GALNTL6: variants seen among roughly 807,000 people sequenced by gnomAD.
The protein encoded by GALNTL6 is polypeptide N-acetylgalactosaminyltransferase-like 6.
GALNTL6 carries 46 observed loss-of-function variants against 73.7 expected under a neutral mutation model. The ratio of observed to expected loss-of-function variants is 0.62; its 90% CI spans 0.49 to 0.80. The LOEUF is 0.80. Ranked by LOEUF, GALNTL6 falls within the 30% of genes least tolerant of loss-of-function variation. The pLI is 0.00. For missense variants in GALNTL6, 604 were observed against 755.0 expected (o/e 0.80, Z 2.34); for synonymous variants, 259 against 263.7 (o/e 0.98, Z 0.17).
intron 2 of GALNTL6, among the ~76,000 whole-genome samples, chr4:172,109,217 A>G (rs1410832017): frequency 6.6e-6 from 1 of 151,160 alleles, no homozygotes; most frequent in African/African-American, 2.4e-5. Flanking sequence ...TCATCAATGA[A>G]GAATTTTGTT....
chr4:172,018,490 G>A (rs1179837755), intron 2 of GALNTL6, among the ~76,000 whole-genome samples: 2 of 151,906 alleles, frequency 1.3e-5, no homozygotes, highest in East Asian at 3.9e-4. Context: ...GGGAAGTTGG[G>A]GGTAGCAGGT....
intron 5 of GALNTL6, among the ~76,000 whole-genome samples, chr4:172,621,339 G>A (rs181236448): frequency 1.3e-3 from 196 of 152,282 alleles, no homozygotes; most frequent in Admixed American, 0.012. Context: ...ACAGGCATAA[G>A]CCAATGTGCC....
intron 5 of GALNTL6, among the ~76,000 whole-genome samples, chr4:172,631,901 A>G (rs1404504824): frequency 6.6e-6 from 1 of 152,230 alleles, no homozygotes; most frequent in Admixed American, 6.5e-5. Flanking sequence ...TTAACACTGT[A>G]AGTCTACATC....
chr4:172,769,863 C>A (rs1738659715), intron 5 of GALNTL6, among the ~76,000 whole-genome samples: 1 of 152,194 alleles, frequency 6.6e-6, no homozygotes, highest in African/African-American at 2.4e-5. Flanking sequence ...GGATTCAAAT[C>A]CCAACTTTTC....
intron 5 of GALNTL6, among the ~76,000 whole-genome samples, chr4:172,630,758 G>C (rs1002258909): frequency 2.7e-5 from 4 of 148,536 alleles, no homozygotes; most frequent in Admixed American, 6.7e-5. Context: ...TTTCCACAAA[G>C]CTATCTTGTT....
intron 5 of GALNTL6, among the ~76,000 whole-genome samples, chr4:172,683,210 A>G (rs1168501949): frequency 6.6e-6 from 1 of 152,170 alleles, no homozygotes; most frequent in African/African-American, 2.4e-5. Flanking sequence ...AGGCTGTGGT[A>G]TCTGTCATGT....
At chr4:173,006,547 G>A (rs970547896) in intron 10 of GALNTL6, among the ~76,000 whole-genome samples, 1 of 152,142 alleles carries the variant, frequency 6.6e-6, no homozygotes, top group Admixed American at 6.5e-5. Flanking sequence ...TTTACAAAAC[G>A]TGTATTTTAA....
At chr4:172,298,091 A>G (rs1739753545) in intron 3 of GALNTL6, among the ~76,000 whole-genome samples, 1 of 152,104 alleles carries the variant, frequency 6.6e-6, no homozygotes, top group Non-Finnish European at 1.5e-5. Flanking sequence ...TTGGATTCCT[A>G]GGTATTTTAT....
At chr4:172,394,522 GCCAGGTTCAAGGGATT>G (rs1166194680) in intron 5 of GALNTL6, among the ~76,000 whole-genome samples, 2 of 146,690 alleles carry the variant, frequency 1.4e-5, no homozygotes, top group South Asian at 4.2e-4. Context: ...ACCTCCGCCT[GCCAGGTTCAAGGGATT>G]CTCCTGCTTC....
chr4:172,905,701 A>G (rs1344793869), intron 8 of GALNTL6, among the ~76,000 whole-genome samples: 2 of 151,862 alleles, frequency 1.3e-5, no homozygotes, highest in East Asian at 3.9e-4. Flanking sequence ...ATGGTACATA[A>G]GCCACCAAAA....
chr4:172,261,103 TA>T lies in GALNTL6; in HGVS notation c.247+31340del, dbSNP rs1738242461. Among the ~76,000 whole-genome samples the T allele has an allele frequency of 3.3e-5, 5 of 151,420 alleles. No individual in the cohort carries two copies. In the South Asian group the frequency reaches 1.0e-3, roughly 31 times the overall value. On this transcript the variant is annotated intron_variant, in intron 3 of 12. Transcript: ENST00000506823. The stretch of plus-strand genomic sequence containing the variant: ...TTCTTTCCTGATTGTGGTATTATAT[TA>T]GATTGACTTGCTTCATATAATGAAT...
At chr4:171,923,782 A>G (rs1208843368) in intron 2 of GALNTL6, among the ~76,000 whole-genome samples, 1 of 61,020 alleles carries the variant, frequency 1.6e-5, no homozygotes, top group Non-Finnish European at 3.0e-5. Context: ...CACAAAAAGT[A>G]TTGCTGTGTG....
At chr4:171,858,599 T>C (rs1735751052) in intron 2 of GALNTL6, among the ~76,000 whole-genome samples, 1 of 152,106 alleles carries the variant, frequency 6.6e-6, no homozygotes, top group Admixed American at 6.6e-5. Context: ...ACCAACATTA[T>C]GCAATACAAT....
At chr4:173,020,565 C>T (rs1350617853) in intron 11 of GALNTL6, among the ~76,000 whole-genome samples, 1 of 152,178 alleles carries the variant, frequency 6.6e-6, no homozygotes, top group Non-Finnish European at 1.5e-5. Context: ...CTACATTGCC[C>T]TGCAGAATTA....
intron 5 of GALNTL6, among the ~76,000 whole-genome samples, chr4:172,805,301 A>C (rs1369667023): frequency 6.6e-6 from 1 of 152,190 alleles, no homozygotes; most frequent in African/African-American, 2.4e-5. Context: ...TCTCCATATA[A>C]ATTTATGGCA....
intron 12 of GALNTL6, among the ~76,000 whole-genome samples, chr4:173,029,513 T>C (rs1293400462): frequency 1.3e-5 from 2 of 152,206 alleles, no homozygotes; most frequent in Admixed American, 6.5e-5. Flanking sequence ...TGTAAGAATG[T>C]TGTCAACAAA....
chr4:172,041,442 A>G (rs1742083793), intron 2 of GALNTL6, among the ~76,000 whole-genome samples: 1 of 152,062 alleles, frequency 6.6e-6, no homozygotes, highest in South Asian at 2.1e-4. Flanking sequence ...TTTAAGCTGA[A>G]TCTGAAAGAC....
chr4:172,356,121 C>T (rs1284940128), intron 5 of GALNTL6, among the ~76,000 whole-genome samples: 2 of 152,116 alleles, frequency 1.3e-5, no homozygotes, highest in Non-Finnish European at 2.9e-5. Context: ...AAAACTGTTA[C>T]AGCTCACCAA....
intron 5 of GALNTL6, among the ~76,000 whole-genome samples, chr4:172,570,640 C>T (rs1028534375): frequency 1.3e-5 from 2 of 152,074 alleles, no homozygotes; most frequent in African/African-American, 4.8e-5. Context: ...CAGGGAGGGG[C>T]CAGTTTTGTG....
Sources: gnomAD v4.1 joint callset for allele counts (sites outside exome capture counted in the v4.1 genomes callset) on GRCh38, gnomAD v4.1.1 for gene constraint, MANE v1.5 for transcripts, NCBI Gene and HGNC (gene_info 2026-07-23, HGNC 2026-07-21) for gene names.